DDHD1: variants seen among roughly 807,000 people sequenced by gnomAD.
DDHD1 encodes DDHD domain containing 1, also known as phospholipase DDHD1.
DDHD1 carries 49 observed loss-of-function variants against 96.4 expected under a neutral mutation model. That is an observed-to-expected ratio of 0.51 (90% CI 0.40 to 0.64). DDHD1 has a LOEUF of 0.64. Among genes scored for constraint, DDHD1 ranks in the 30% least tolerant of loss-of-function variants. The pLI is 0.00. For synonymous variants in DDHD1, 442 were observed against 446.5 expected, an observed-to-expected ratio of 0.99 and a Z score of 0.13; for missense variants, 1,106 against 1,161.2, an observed-to-expected ratio of 0.95 and a Z score of 0.69.
At chr14:53,093,106 T>C in intron 3 of DDHD1, 1 of 335,170 alleles carries the variant, frequency 3.0e-6, no homozygotes, top group Non-Finnish European at 5.0e-6. Context: ...ATTAATTTTG[T>C]CAAATCATTC....
At chr14:53,126,024 T>G (rs1053676368) in intron 1 of DDHD1, among the ~76,000 whole-genome samples, 1 of 152,116 alleles carries the variant, frequency 6.6e-6, no homozygotes, top group Non-Finnish European at 1.5e-5. Context: ...TAAGATTCCT[T>G]CCCAAACTTA....
At chr14:53,089,621 C>T (rs1886269610) in intron 4 of DDHD1, among the ~76,000 whole-genome samples, 1 of 151,938 alleles carries the variant, frequency 6.6e-6, no homozygotes, top group African/African-American at 2.4e-5. Flanking sequence ...TATGTAGAAA[C>T]TGGCTAGCCA....
chr14:53,073,996 C>T (rs919393946), intron 4 of DDHD1, 149 bp from the exon 5 acceptor site: 13 of 610,440 alleles, frequency 2.1e-5, no homozygotes, highest in African/African-American at 2.1e-4. Flanking sequence ...CCACACTAAA[C>T]AAGTCTGCAA....
At chr14:53,119,792 T>C (rs1020209800) in intron 1 of DDHD1, among the ~76,000 whole-genome samples, 2 of 152,286 alleles carry the variant, frequency 1.3e-5, no homozygotes, top group South Asian at 2.1e-4. Context: ...TAGGTATCAA[T>C]AGAATATAAC....
rs1430256136 is a variant in DDHD1 at position 53,037,583 on chromosome 14, T to A, written c.*9185A>T. 1.3e-5 allele frequency: 2 copies of A among 152,198 alleles called. No homozygotes were observed. Among genetic ancestry groups the A allele is most frequent in the African/African-American group, 4.8e-5 (2 of 41,468 alleles). 9.4% of individuals were successfully genotyped at this position (152,198 alleles called of 1,614,324 possible). Reference sequence around the variant, plus strand: ...CTGTTCATGTCCTTCACCCATTTTTTAATGGGGTTGTTTTTTGCTTGTTAA... The same window carrying A: ...CTGTTCATGTCCTTCACCCATTTTTAAATGGGGTTGTTTTTTGCTTGTTAA... On this transcript the variant is annotated 3_prime_UTR_variant, in exon 13 of 13. Coordinates refer to ENST00000673822, the MANE Select transcript of DDHD1 (RefSeq NM_001160148.2).
At chr14:53,084,598 G>A (rs1025976712) in intron 4 of DDHD1, among the ~76,000 whole-genome samples, 1 of 152,214 alleles carries the variant, frequency 6.6e-6, no homozygotes, top group Non-Finnish European at 1.5e-5. Flanking sequence ...AAGGATCAAG[G>A]TTGGCCTGGC....
chr14:53,085,163 C>A (rs1298702796), intron 4 of DDHD1, among the ~76,000 whole-genome samples: 7 of 152,222 alleles, frequency 4.6e-5, no homozygotes. Flanking sequence ...ATGAGGCCCG[C>A]ACGCCTCTGT....
intron 1 of DDHD1, among the ~76,000 whole-genome samples, chr14:53,112,590 A>G (rs918516149): frequency 2.0e-5 from 3 of 152,304 alleles, no homozygotes; most frequent in South Asian, 2.1e-4. Flanking sequence ...TTCAACACCT[A>G]TATCTCTTAT....
At chr14:53,072,199 G>T (rs1884566231) in intron 6 of DDHD1, among the ~76,000 whole-genome samples, 1 of 151,884 alleles carries the variant, frequency 6.6e-6, no homozygotes, top group African/African-American at 2.4e-5. Context: ...GTTACTCTTG[G>T]GAGACATCAG....
At position 53,051,924 on chromosome 14, in the gene DDHD1, A is replaced by G; in HGVS notation, c.2441T>C (p.Phe814Ser). Residue 814 changes from phenylalanine (F) to serine (S), a missense_variant, in exon 12 of 13, where the codon TTC becomes TCC. This residue lies in a region of DDHD1 where 650 missense variants were observed against 758.8 expected (regional missense o/e 0.86). Transcript: ENST00000673822. Reference sequence around the variant, plus strand: ...ATTAAAGAACGATTCTTGAAGTCTGAAATCTGTGAAAAAAAAACACAAGAT... The same window carrying G: ...ATTAAAGAACGATTCTTGAAGTCTGGAATCTGTGAAAAAAAAACACAAGAT... The part of the protein sequence containing the change: ...SSSGFLDSAY[F>S]RLQESFFNLP... The G allele has an allele frequency of 6.3e-7, 1 of 1,579,036 alleles. No homozygotes were observed. Among genetic ancestry groups the G allele is most frequent in the Non-Finnish European group, 8.6e-7 (1 of 1,160,834 alleles).
At chr14:53,049,517 G>A (rs541554638) in intron 12 of DDHD1, among the ~76,000 whole-genome samples, 7 of 152,100 alleles carry the variant, frequency 4.6e-5, no homozygotes, top group Admixed American at 2.6e-4. Context: ...TGTATGTGCT[G>A]TGAGATCAGC....
At chr14:53,111,428 G>C (rs1888097638) in intron 1 of DDHD1, among the ~76,000 whole-genome samples, 1 of 151,950 alleles carries the variant, frequency 6.6e-6, no homozygotes, top group Admixed American at 6.6e-5. Context: ...AGCTATTGGT[G>C]ATAATGACTC....
chr14:53,122,879 T>C (rs1188806779), intron 1 of DDHD1, among the ~76,000 whole-genome samples: 2 of 152,038 alleles, frequency 1.3e-5, no homozygotes, highest in Non-Finnish European at 2.9e-5. Flanking sequence ...TAATTCTTTA[T>C]GTTATACTCT....
intron 2 of DDHD1, among the ~76,000 whole-genome samples, chr14:53,095,819 G>A (rs948499903): frequency 2.0e-5 from 3 of 152,060 alleles, no homozygotes; most frequent in African/African-American, 2.4e-5. Flanking sequence ...TGCTTAAAAC[G>A]TTAAACTATG....
chr14:53,137,717 G>C (rs952538001), intron 1 of DDHD1, among the ~76,000 whole-genome samples: 3 of 152,202 alleles, frequency 2.0e-5, no homozygotes, highest in African/African-American at 4.8e-5. Flanking sequence ...AGGAATCCAA[G>C]ATAAGGGGTA....
chr14:53,047,009 G>T (rs1595076491), intron 12 of DDHD1, 60 bp from the exon 13 acceptor site: 3 of 1,303,930 alleles, frequency 2.3e-6, no homozygotes, highest in Non-Finnish European at 3.0e-6. Flanking sequence ...GTTCTATATA[G>T]ACTTACTGGA....
rs1243321042 is a variant in DDHD1 at position 53,041,659 on chromosome 14, A to C, written c.*5109T>G. On this transcript the variant is annotated 3_prime_UTR_variant, in exon 13 of 13. Transcript: ENST00000673822. ...TAACAAAATATTTCCTGGATATCTT[A>C]TTTTTTTCTTGATTTTCTTTTTGTT... The C allele has an allele frequency of 6.6e-6, 1 of 151,796 alleles. No homozygotes were observed. The highest frequency in any genetic ancestry group is 1.5e-5 in the Non-Finnish European group (1 of 67,932). The allele number at this position is 151,796 out of a possible 1,614,324, so 9.4% of individuals were successfully genotyped here.
chr14:53,063,484 A>G (rs945825137), intron 6 of DDHD1, among the ~76,000 whole-genome samples: 7 of 141,448 alleles, frequency 4.9e-5, no homozygotes, highest in Non-Finnish European at 7.8e-5. Context: ...TCCATAGATT[A>G]AAAAAAAAAA....
intron 12 of DDHD1, 102 bp from the exon 13 acceptor site, chr14:53,047,051 G>A (rs973946055): frequency 5.7e-6 from 5 of 871,266 alleles, no homozygotes; most frequent in African/African-American, 5.3e-5. Context: ...AAATAGAAGT[G>A]ATTCTGTCAC....
Sources: gnomAD v4.1 joint callset for allele counts (sites outside exome capture counted in the v4.1 genomes callset) on GRCh38, gnomAD v4.1.1 for gene constraint, gnomAD v4.1.1 regional missense constraint, MANE v1.5 for transcripts, NCBI Gene and HGNC (gene_info 2026-07-23, HGNC 2026-07-21) for gene names.